SNUPN: variants seen among roughly 807,000 people sequenced by gnomAD.
SNUPN encodes the protein snurportin 1, also known as snurportin-1.
SNUPN carries 31 observed loss-of-function variants against 39.2 expected under a neutral mutation model. The observed-to-expected ratio is 0.79, with a 90% CI of 0.59 to 1.07. The LOEUF (loss-of-function observed/expected upper bound fraction) is 1.07, where lower values mean the gene tolerates loss of function less well. Among genes scored for constraint, SNUPN ranks in the 50% least tolerant of loss-of-function variants. The pLI, the probability that SNUPN is intolerant of heterozygous loss-of-function variation, is 0.00. For synonymous variants in SNUPN, 132 were observed against 159.0 expected (o/e 0.83, Z 1.28); for missense variants, 382 against 434.2 (o/e 0.88, Z 1.07).
chr15:75,599,676 G>A (rs1327848019), intron 8 of SNUPN, among the ~76,000 whole-genome samples: 1 of 152,090 alleles, frequency 6.6e-6, no homozygotes, highest in Admixed American at 6.6e-5. Flanking sequence ...ATTGTCACTG[G>A]GGCATAAGGG....
chr15:75,601,208 A>G lies in SNUPN; in HGVS notation c.689T>C (p.Val230Ala). 1 of 1,609,406 alleles carries G rather than the reference A, an allele frequency of 6.2e-7. No homozygotes were observed. The highest frequency in any genetic ancestry group is 8.5e-7 in the Non-Finnish European group (1 of 1,175,772). The change falls in exon 8 of 9, where the codon GTG becomes GCG. Residue 230 changes from valine to alanine, a missense_variant. By Grantham distance (64) the Val-to-Ala change is moderately conservative. Transcript: ENST00000308588. ...AGTGCAAGGGAAGTTCTTTAGCCCC[A>G]CAAATTTAAACTGAAATAGAAATTA... is the stretch of plus-strand genomic sequence containing the variant. ...EKTKLNPFKF[V>A]GLKNFPCTPE...
chr15:75,621,008 G>A lies in SNUPN; in HGVS notation c.44C>T (p.Ser15Phe), dbSNP rs765680094. ...SQALASSFSVSQDLNSTAAPH... is the reference protein window; with the variant it reads ...SQALASSFSVFQDLNSTAAPH... Reference sequence around the variant, plus strand: ...GGCAGCTGTGCTGTTCAGATCTTGAGACACAGAAAAGCTACTAGCCAGGGC... The same window carrying A: ...GGCAGCTGTGCTGTTCAGATCTTGAAACACAGAAAAGCTACTAGCCAGGGC... The change falls in exon 2 of 9, where the codon TCT becomes TTT. Residue 15 changes from serine (S) to phenylalanine (F), a missense_variant. Coordinates refer to ENST00000308588, the MANE Select transcript of SNUPN (RefSeq NM_005701.4). The A allele has an allele frequency of 9.3e-6, 15 of 1,614,078 alleles. No homozygotes were observed. The South Asian group carries it at 1.5e-4, about 17-fold the overall frequency.
In SNUPN at chr15:75,598,656, T is replaced by C. The variant is rs1595979967; in HGVS notation, c.785A>G (p.Lys262Arg). The C allele has an allele frequency of 6.2e-7, 1 of 1,605,922 alleles. No individual in the cohort carries two copies. The highest frequency in any genetic ancestry group is 8.5e-7 in the Non-Finnish European group (1 of 1,173,206). Residue 262 changes from lysine to arginine, a missense_variant, in exon 9 of 9, where the codon AAA becomes AGA. Physicochemically the swap from Lys to Arg is conservative, Grantham distance 26. Coordinates refer to ENST00000308588, the MANE Select transcript of SNUPN (RefSeq NM_005701.4). ...FEVDGLLFYH[K>R]QTHYSPGSTP... ...GCTTCCGGGGCTGTAGTGGGTCTGT[T>C]TGTGGTAGAAGAGAAGTCCATCTAC...
intron 1 of SNUPN, among the ~76,000 whole-genome samples, chr15:75,623,648 T>A (rs1193318209): frequency 6.6e-6 from 1 of 152,034 alleles, no homozygotes; most frequent in Non-Finnish European, 1.5e-5. Flanking sequence ...TTTCATTATG[T>A]TGGCGTGGCT....
At chr15:75,604,157 CTT>C (rs34924144) in intron 7 of SNUPN, among the ~76,000 whole-genome samples, 10 of 114,924 alleles carry the variant, frequency 8.7e-5, no homozygotes, top group East Asian at 2.5e-4. Flanking sequence ...TTCCCTTTAA[CTT>C]TTTTTTTTTT....
chr15:75,618,622 G>T (rs987265832), intron 2 of SNUPN, among the ~76,000 whole-genome samples: 20 of 152,130 alleles, frequency 1.3e-4, no homozygotes, highest in Non-Finnish European at 1.9e-4. Flanking sequence ...TGCTAAGGCA[G>T]GAATTCAACC....
chr15:75,609,570 A>C lies in SNUPN; in HGVS notation c.490T>G (p.Ser164Ala). ...TCTATGTAGGTACCTTTTGCTGTTG[A>C]GTTTCGCCTGTTGCCTCCTGGCAGA... Reference protein sequence around the residue: ...SLLPGGNRRNSTAKDYTILDC... With the variant: ...SLLPGGNRRNATAKDYTILDC... Residue 164 changes from serine to alanine, a missense_variant, in exon 5 of 9, where the codon TCA becomes GCA. By Grantham distance (99) the Ser-to-Ala change is moderately conservative. Coordinates refer to ENST00000308588, the MANE Select transcript of SNUPN (RefSeq NM_005701.4). The C allele has an allele frequency of 1.2e-6, 2 of 1,613,446 alleles. No individual in the cohort carries two copies. Among genetic ancestry groups the C allele is most frequent in the Non-Finnish European group, 1.7e-6 (2 of 1,179,354 alleles).
intron 5 of SNUPN, 79 bp downstream of exon 5, chr15:75,609,479 G>A (rs1040183654): frequency 2.7e-5 from 31 of 1,132,388 alleles, no homozygotes; most frequent in East Asian, 1.6e-4. Context: ...GTGAGCCACC[G>A]CGCCCGGCCC....
At chr15:75,611,643 C>T (rs1215815650) in intron 3 of SNUPN, among the ~76,000 whole-genome samples, 5 of 151,688 alleles carry the variant, frequency 3.3e-5, no homozygotes, top group Admixed American at 1.3e-4. Flanking sequence ...GATCATGAGG[C>T]CAAGAAATCG....
intron 3 of SNUPN, 77 bp from the exon 4 acceptor site, chr15:75,610,071 T>C: frequency 9.1e-7 from 1 of 1,098,482 alleles, no homozygotes; most frequent in Non-Finnish European, 1.4e-6. Context: ...GGCATTAATA[T>C]CCTGTGTGTA....
chr15:75,610,176 T>G (rs2141368892), intron 3 of SNUPN, among the ~76,000 whole-genome samples, 182 bp from the exon 4 acceptor site: 2 of 151,916 alleles, frequency 1.3e-5, no homozygotes, highest in South Asian at 4.2e-4. Context: ...GGCAGGTGGA[T>G]CACCTGAGGT....
intron 3 of SNUPN, 29 bp from the exon 4 acceptor site, chr15:75,610,023 T>G: frequency 6.5e-7 from 1 of 1,532,650 alleles, no homozygotes; most frequent in Non-Finnish European, 9.0e-7. Flanking sequence ...GTGTTAAAGA[T>G]CAGCAGGGGT....
intron 1 of SNUPN, among the ~76,000 whole-genome samples, chr15:75,622,942 C>A (rs1039878871): frequency 3.9e-5 from 6 of 152,172 alleles, no homozygotes; most frequent in African/African-American, 1.4e-4. Flanking sequence ...GAGTTCGAAG[C>A]CAGCCTGGGC....
At chr15:75,616,492 T>C (rs1892943116) in intron 3 of SNUPN, among the ~76,000 whole-genome samples, 1 of 152,056 alleles carries the variant, frequency 6.6e-6, no homozygotes, top group African/African-American at 2.4e-5. Flanking sequence ...GGTCTCACTA[T>C]GTTAGCCAGG....
intron 2 of SNUPN, among the ~76,000 whole-genome samples, chr15:75,618,552 C>G (rs1279001417): frequency 6.6e-6 from 1 of 152,020 alleles, no homozygotes. Context: ...TCTTTTGGAA[C>G]CTAATTGTTT....
chr15:75,601,886 T>C (rs911388184), intron 7 of SNUPN, among the ~76,000 whole-genome samples: 1 of 104,328 alleles, frequency 9.6e-6, no homozygotes, highest in East Asian at 2.1e-4. Flanking sequence ...TTCCTCCCCC[T>C]TTTTTTTAAG....
intron 7 of SNUPN, among the ~76,000 whole-genome samples, chr15:75,603,734 C>T (rs1294946962): frequency 6.7e-6 from 1 of 148,894 alleles, no homozygotes; most frequent in Non-Finnish European, 1.5e-5. Flanking sequence ...CTGTATTGTA[C>T]TAGGTTGAGT....
chr15:75,602,989 T>A (rs763983896), intron 7 of SNUPN, among the ~76,000 whole-genome samples: 127 of 152,182 alleles, frequency 8.3e-4, no homozygotes, highest in Non-Finnish European at 1.3e-3. Context: ...GCTCAGGCAG[T>A]CCACCTGCCT....
chr15:75,598,203 C>T lies in SNUPN; in HGVS notation c.*155G>A, dbSNP rs2075256390. On this transcript the variant is annotated 3_prime_UTR_variant, in exon 9 of 9. Coordinates refer to ENST00000308588, the MANE Select transcript of SNUPN (RefSeq NM_005701.4). ...GGGAACCTCCCCATAACTGTTTGAG[C>T]CAGCATTTCAGATTATAGATAAGCT... 9.6e-6 allele frequency: 6 copies of T among 623,068 alleles called. No individual in the cohort carries two copies. The East Asian group carries it at 1.7e-4, about 17-fold the overall frequency. The allele number at this position is 623,068 out of a possible 1,614,324, so 38.6% of individuals were successfully genotyped here.
Sources: allele counts gnomAD v4.1 joint callset (sites outside exome capture counted in the v4.1 genomes callset), GRCh38; gene constraint gnomAD v4.1.1; transcripts MANE v1.5; gene names NCBI Gene and HGNC (gene_info 2026-07-23, HGNC 2026-07-21).